The following PTP4A1 variants were observed in gnomAD, a reference collection of about 807,000 sequenced individuals.
PTP4A1 encodes protein tyrosine phosphatase 4A1.
A neutral mutation model predicts 20.5 loss-of-function variants in PTP4A1; 9 were observed. The ratio of observed to expected loss-of-function variants is 0.44; its 90% CI spans 0.26 to 0.77. The LOEUF is 0.77. Among genes scored for constraint, PTP4A1 ranks in the 30% least tolerant of loss-of-function variants. The probability of loss-of-function intolerance (pLI) is 0.19; values close to 1 mark genes in which losing one functional copy is unlikely to be tolerated. For synonymous variants in PTP4A1, 78 were observed against 67.4 expected (o/e 1.16, Z -0.77); for missense variants, 137 against 218.8 (o/e 0.63, Z 2.36).
chr6:63,533,666 T>C (rs1775572273), intron 2 of PTP4A1, among the ~76,000 whole-genome samples: 1 of 152,030 alleles, frequency 6.6e-6, no homozygotes, highest in African/African-American at 2.4e-5. Flanking sequence ...GAATAAATGG[T>C]TATTACTTGG....
intron 1 of PTP4A1, chr6:63,573,685 T>C (rs1367198054): frequency 4.6e-5 from 7 of 152,304 alleles, no homozygotes; most frequent in Non-Finnish European, 7.3e-5. Flanking sequence ...TCCGGATTTA[T>C]CGCCCCACCT....
At chr6:63,534,430 G>A (rs1170934745) in intron 2 of PTP4A1, among the ~76,000 whole-genome samples, 1 of 147,548 alleles carries the variant, frequency 6.8e-6, no homozygotes, top group African/African-American at 2.6e-5. Context: ...TAACACAGAA[G>A]CCATCACCAC....
chr6:63,526,756 A>G (rs918953933), intron 1 of PTP4A1, among the ~76,000 whole-genome samples: 2 of 148,600 alleles, frequency 1.3e-5, no homozygotes, highest in African/African-American at 5.0e-5. Context: ...TCGAGATCAC[A>G]CCACTGCACT....
At chr6:63,570,327 T>C (rs571628570), upstream of PTP4A1, among the ~76,000 whole-genome samples, 4 of 152,304 alleles carry the variant, frequency 2.6e-5, no homozygotes, top group South Asian at 8.3e-4. Flanking sequence ...CAAGACTCCA[T>C]CTCAAATAAA....
upstream of PTP4A1, among the ~76,000 whole-genome samples, chr6:63,519,689 T>C (rs559317347): frequency 6.6e-6 from 1 of 152,328 alleles, no homozygotes; most frequent in East Asian, 1.9e-4. Flanking sequence ...GTCAGTCTAC[T>C]AAAATCCAGA....
intron 3 of PTP4A1, among the ~76,000 whole-genome samples, chr6:63,552,126 C>A (rs922821317): frequency 1.3e-5 from 2 of 152,152 alleles, no homozygotes; most frequent in African/African-American, 4.8e-5. Flanking sequence ...ACACTGACTT[C>A]CACAATGGTT....
intron 1 of PTP4A1, among the ~76,000 whole-genome samples, chr6:63,575,326 T>C (rs925098765): frequency 1.3e-5 from 2 of 152,180 alleles, no homozygotes; most frequent in African/African-American, 4.8e-5. Context: ...TATTAATACT[T>C]TCCTTAGTGC....
chr6:63,524,905 A>G (rs548995932), intron 1 of PTP4A1, among the ~76,000 whole-genome samples: 3 of 152,336 alleles, frequency 2.0e-5, no homozygotes, highest in Middle Eastern at 3.4e-3. Context: ...TTTTGAAGAT[A>G]CCTCAGAGGC....
At position 63,582,684 on chromosome 6, in the gene PTP4A1, A is replaced by G. The variant is rs556228099; in HGVS notation, c.*2510A>G. 1 of 152,374 alleles carries G rather than the reference A, an allele frequency of 6.6e-6. No individual in the cohort carries two copies. Among genetic ancestry groups the G allele is most frequent in the African/African-American group, 2.4e-5 (1 of 41,592 alleles). 9.4% of individuals were successfully genotyped at this position (152,374 alleles called of 1,614,324 possible). On this transcript the variant is annotated 3_prime_UTR_variant, in exon 6 of 6. Transcript: ENST00000626021. Reference sequence around the variant, plus strand: ...CTACCTAGGCTTGTCTATAGCAACCATAATGTTGATGTAAGTAATGCGGTT... The same window carrying G: ...CTACCTAGGCTTGTCTATAGCAACCGTAATGTTGATGTAAGTAATGCGGTT...
intron 2 of PTP4A1, among the ~76,000 whole-genome samples, chr6:63,538,975 C>T (rs948545242): frequency 6.6e-6 from 1 of 152,154 alleles, no homozygotes; most frequent in Non-Finnish European, 1.5e-5. Flanking sequence ...TCACTGTAAC[C>T]TCCTCCTCTT....
intron 1 of PTP4A1, among the ~76,000 whole-genome samples, chr6:63,523,825 A>T (rs1454138415): frequency 6.6e-6 from 1 of 152,172 alleles, no homozygotes; most frequent in Non-Finnish European, 1.5e-5. Flanking sequence ...AGAAGCCAAA[A>T]GATTGGACAC....
upstream of PTP4A1, among the ~76,000 whole-genome samples, chr6:63,519,372 G>A (rs1774843019): frequency 1.3e-5 from 2 of 152,088 alleles, 1 homozygote; most frequent in South Asian, 4.1e-4. Flanking sequence ...ATGAGTTCAG[G>A]TCAAGTCAGG....
In PTP4A1 at chr6:63,580,965, A is replaced by G. The variant is rs1375287637; in HGVS notation, c.*791A>G. The G allele has an allele frequency of 6.6e-6, 1 of 152,432 alleles. No individual in the cohort carries two copies. The highest frequency in any genetic ancestry group is 2.4e-5 in the African/African-American group (1 of 41,452). The allele number at this position is 152,432 out of a possible 1,614,324, so 9.4% of individuals were successfully genotyped here. ...AGGGGGCTATTAATTATTTTTAGCA[A>G]AATGTTGCCTTTGTCTTGTGCAAAC... On this transcript the variant is annotated 3_prime_UTR_variant, in exon 6 of 6. Coordinates refer to ENST00000626021, the MANE Select transcript of PTP4A1 (RefSeq NM_003463.5).
chr6:63,579,863 T>C lies in PTP4A1; in HGVS notation c.405-194T>C, dbSNP rs568551448. 3.3e-5 allele frequency among the ~76,000 whole-genome samples: 5 copies of C among 152,294 alleles called. No individual in the cohort carries two copies. The East Asian group carries it at 5.8e-4, about 18-fold the overall frequency. ...TGTAACCAATACTCAAACGAAGATA[T>C]AAAGAAAATTAACTTTTTATGATTT... On this transcript the variant is annotated intron_variant, in intron 5 of 5. Transcript: ENST00000626021.
rs147772054 is a variant in PTP4A1 at position 63,546,586 on chromosome 6, A to G, written c.-639-3714A>G. Among the ~76,000 whole-genome samples, 50 of 152,272 alleles carry G rather than the reference A, an allele frequency of 3.3e-4. No individual in the cohort carries two copies. The East Asian group carries it at 6.6e-3, about 20-fold the overall frequency. On this transcript the variant is annotated intron_variant, in intron 2 of 3. Transcript: ENST00000639568. ...CCGAGCATGGTGGTGCATGCCTGTAATCCCAGCTACTTGGGAGGCTGAGGC... is the reference window on the plus strand; with the variant it reads ...CCGAGCATGGTGGTGCATGCCTGTAGTCCCAGCTACTTGGGAGGCTGAGGC...
intron 3 of PTP4A1, among the ~76,000 whole-genome samples, chr6:63,552,497 T>C (rs1776496836): frequency 6.6e-6 from 1 of 152,236 alleles, no homozygotes; most frequent in Non-Finnish European, 1.5e-5. Context: ...CTGTTCACTC[T>C]GATGGTAGTT....
At chr6:63,520,104 A>ATTC (rs1774867484), upstream of PTP4A1, among the ~76,000 whole-genome samples, 1 of 152,202 alleles carries the variant, frequency 6.6e-6, no homozygotes, top group Non-Finnish European at 1.5e-5. Context: ...AACAAAAACT[A>ATTC]ACCACTGGAT....
intron 2 of PTP4A1, chr6:63,549,362 C>A (rs925057212): frequency 9.2e-5 from 69 of 753,802 alleles, no homozygotes; most frequent in South Asian, 1.5e-4. Context: ...CTGGTTAGGT[C>A]TCTTTTGGGC....
chr6:63,559,820 T>C (rs1469196850), intron 3 of PTP4A1, among the ~76,000 whole-genome samples: 3 of 152,188 alleles, frequency 2.0e-5, no homozygotes, highest in Non-Finnish European at 4.4e-5. Flanking sequence ...TTTGGGAGTC[T>C]GAGGCAGGTT....
Sources: allele counts gnomAD v4.1 joint callset (sites outside exome capture counted in the v4.1 genomes callset), GRCh38; gene constraint gnomAD v4.1.1; transcripts MANE v1.5; gene names NCBI Gene and HGNC (gene_info 2026-07-23, HGNC 2026-07-21).